Variants in MDN1 observed in about 807,000 individuals in gnomAD.
The protein encoded by MDN1 is midasin.
MDN1 carries 266 observed loss-of-function variants against 669.2 expected under a neutral mutation model. The observed-to-expected ratio is 0.40, with a 90% CI of 0.36 to 0.44. The LOEUF is 0.44. MDN1 is among the 20% of genes least tolerant of loss of function. The pLI is 1.00. For synonymous variants in MDN1, 2,385 were observed against 2,457.1 expected, an observed-to-expected ratio of 0.97 and a Z score of 0.87; for missense variants, 5,940 against 6,754.0, an observed-to-expected ratio of 0.88 and a Z score of 4.22.
intron 84 of MDN1, among the ~76,000 whole-genome samples, chr6:89,667,224 T>A (rs1321512246): frequency 6.6e-6 from 1 of 152,046 alleles, no homozygotes; most frequent in East Asian, 1.9e-4. Flanking sequence ...CTGATTTAGA[T>A]TTGAGAAATA....
rs1217713926 is a variant in MDN1, at chr6:89,712,381, A to G, written c.7431-125T>C. ...GTAAGAGAGAAAAGGAGAGTCTCCCACAGAGGAAGAAAGTTAAAACATACC... is the reference window on the plus strand; with the variant it reads ...GTAAGAGAGAAAAGGAGAGTCTCCCGCAGAGGAAGAAAGTTAAAACATACC... On this transcript the variant is annotated intron_variant, in intron 48 of 101. Transcript: ENST00000369393. The G allele has an allele frequency of 2.6e-4, 274 of 1,045,746 alleles. 1 individual carries two copies. The highest frequency in any genetic ancestry group is 4.7e-5 in the Non-Finnish European group (34 of 720,160). The allele number at this position is 1,045,746 out of a possible 1,614,324, so 64.8% of individuals were successfully genotyped here. A position where few individuals can be genotyped will look rare whatever the true frequency, so the allele number is the denominator to read the frequency against.
intron 61 of MDN1, among the ~76,000 whole-genome samples, chr6:89,694,707 CTT>C (rs78727881): frequency 7.0e-6 from 1 of 142,298 alleles, no homozygotes. Flanking sequence ...CCACACCCAG[CTT>C]TTTTTTTTTT....
Position 89,708,525 on chromosome 6 carries a change from G to T in MDN1, c.7869C>A (p.Leu2623=). Residue 2623 remains leucine, a synonymous_variant, in exon 51 of 102, where the codon CTC becomes CTA. Transcript: ENST00000369393. ...TTGCAGCTGATTCTAAAAGGGCAAA[G>T]AGCTGGTCAGGCTGGTCCGTTTGTG... is the stretch of plus-strand genomic sequence containing the variant. ...FDPQTDQPDQ[L]FALLESAANK... 2 of 1,614,096 alleles carry T rather than the reference G, an allele frequency of 1.2e-6. No homozygotes were observed. The highest frequency in any genetic ancestry group is 1.7e-5 in the Admixed American group (1 of 60,020).
At chr6:89,746,077 T>C (rs541203229) in intron 27 of MDN1, among the ~76,000 whole-genome samples, 3 of 152,164 alleles carry the variant, frequency 2.0e-5, no homozygotes, top group Admixed American at 6.6e-5. Flanking sequence ...AAGTACATAC[T>C]GCATGGTGTC....
chr6:89,749,712 A>G lies in MDN1; in HGVS notation c.3446T>C (p.Ile1149Thr), dbSNP rs1562177685. The change falls in exon 25 of 102, where the codon ATT becomes ACT. Residue 1149 changes from isoleucine to threonine, a missense_variant. Physicochemically the swap from Ile to Thr is moderately conservative, Grantham distance 89 (BLOSUM62 -1). Transcript: ENST00000369393. ...AGGGGCCAAATTTAATTCATCTAAAATAATCCAATAGCCTTTTCTCATGGC... is the reference window on the plus strand; with the variant it reads ...AGGGGCCAAATTTAATTCATCTAAAGTAATCCAATAGCCTTTTCTCATGGC... ...IDAMRKGYWI[I>T]LDELNLAPTD... 3 of 1,613,852 alleles carry G rather than the reference A, an allele frequency of 1.9e-6. No individual in the cohort carries two copies. The highest frequency in any genetic ancestry group is 2.5e-6 in the Non-Finnish European group (3 of 1,179,716).
chr6:89,697,426 T>C (rs1398181788), intron 59 of MDN1, among the ~76,000 whole-genome samples: 2 of 152,082 alleles, frequency 1.3e-5, no homozygotes, highest in African/African-American at 4.8e-5. Flanking sequence ...ACTGGCATAT[T>C]TGGAGGGAAA....
In MDN1 at chr6:89,687,978, G is replaced by T; in HGVS notation, c.11355+100C>A. 9.2e-6 allele frequency: 10 copies of T among 1,082,748 alleles called. No individual in the cohort carries two copies. In the South Asian group the frequency reaches 1.2e-4, roughly 13 times the overall value. The allele number at this position is 1,082,748 out of a possible 1,614,324, so 67.1% of individuals were successfully genotyped here. A position where few individuals can be genotyped will look rare whatever the true frequency, so the allele number is the denominator to read the frequency against. Reference sequence around the variant, plus strand: ...AACCAAGGATGTTTACCTTTTTCTAGCCCAAACTATAATTTTCTGTCTAAC... The same window carrying T: ...AACCAAGGATGTTTACCTTTTTCTATCCCAAACTATAATTTTCTGTCTAAC... On this transcript the variant is annotated intron_variant, in intron 67 of 101. Coordinates refer to ENST00000369393, the MANE Select transcript of MDN1 (RefSeq NM_014611.3).
chr6:89,786,390 A>G (rs562931646), intron 8 of MDN1, among the ~76,000 whole-genome samples: 1 of 152,252 alleles, frequency 6.6e-6, no homozygotes, highest in East Asian at 1.9e-4. Flanking sequence ...CAGGAGTTCA[A>G]GACCAACCTG....
intron 88 of MDN1, among the ~76,000 whole-genome samples, chr6:89,660,490 G>C (rs9342204): frequency 6.6e-6 from 1 of 150,950 alleles, no homozygotes; most frequent in Non-Finnish European, 1.5e-5. Flanking sequence ...AGCCTACTGG[G>C]TTTTTTTTTC....
Position 89,793,926 on chromosome 6 carries a change from A to G in MDN1, c.691T>C (p.Leu231=), listed in dbSNP as rs779234180. The change falls in exon 5 of 102, where the codon TTG becomes CTG. Residue 231 remains leucine, a synonymous_variant. Transcript: ENST00000369393. ...RLLEEAQLQD[L]EKALVLANPE... ...TTGGCCAAAACCAAGGCCTTCTCCA[A>G]GTCCTGCAACTGGGCCTCTTCTAAT... The G allele has an allele frequency of 5.0e-6, 8 of 1,613,794 alleles. No homozygotes were observed. Among genetic ancestry groups the G allele is most frequent in the East Asian group, 2.2e-5 (1 of 44,880 alleles).
At chr6:89,676,442 CTATCTTG>C (rs1014431379) in intron 76 of MDN1, among the ~76,000 whole-genome samples, 3 of 152,124 alleles carry the variant, frequency 2.0e-5, no homozygotes, top group African/African-American at 7.2e-5. Flanking sequence ...TGAAATCTTC[CTATCTTG>C]GCAGTGGAGG....
chr6:89,645,260 C>G, intron 100 of MDN1, 103 bp from the exon 101 acceptor site: 1 of 1,285,220 alleles, frequency 7.8e-7, no homozygotes, highest in Non-Finnish European at 1.1e-6. Flanking sequence ...TTTCTCTGTA[C>G]TATTAAAGCT....
intron 46 of MDN1, among the ~76,000 whole-genome samples, chr6:89,714,276 G>A (rs931712352): frequency 3.3e-5 from 5 of 152,090 alleles, no homozygotes; most frequent in African/African-American, 7.2e-5. Flanking sequence ...ACCTCAGTGC[G>A]TAAAGTGGAA....
In MDN1 at chr6:89,650,769, G is replaced by C. The variant is rs760511908; in HGVS notation, c.15994C>G (p.Arg5332Gly). ...PLSQRLCEEL[R>G]LILEPTQAAK... ...GCCTGGGTAGGCTCTAATATGAGAC[G>C]AAGCTCTTCACATAACCGTTGTGAA... The change falls in exon 96 of 102, where the codon CGT becomes GGT. Residue 5332 changes from arginine to glycine, a missense_variant. Physicochemically the swap from Arg to Gly is moderately radical, Grantham distance 125. This residue lies in a region of MDN1 where 2,280 missense variants were observed against 2,576.3 expected (regional missense o/e 0.88). Coordinates refer to ENST00000369393, the MANE Select transcript of MDN1 (RefSeq NM_014611.3). 1 of 1,614,084 alleles carries C rather than the reference G, an allele frequency of 6.2e-7. No homozygotes were observed. Among genetic ancestry groups the C allele is most frequent in the Admixed American group, 1.7e-5 (1 of 60,016 alleles).
intron 33 of MDN1, among the ~76,000 whole-genome samples, chr6:89,734,691 A>AAAACGAG (rs1554188774): frequency 8.8e-6 from 1 of 112,996 alleles, no homozygotes; most frequent in African/African-American, 3.5e-5. Context: ...AAAAAAAAAC[A>AAAACGAG]AGAGAGAGAG....
rs1362007921 is a variant in MDN1, at chr6:89,771,638, GCAAAAGTGTTACTC to G, written c.2084-31_2084-18del. On this transcript the variant is annotated intron_variant, in intron 14 of 101. Transcript: ENST00000369393. ...AACGGTGGCCTTTTATAAAGAAAGT[GCAAAAGTGTTACTC>G]CAAAAATTTAAAGACCGATAATATC... 7.5e-5 allele frequency: 120 copies of G among 1,609,206 alleles called. No homozygotes were observed. The highest frequency in any genetic ancestry group is 9.9e-5 in the Non-Finnish European group (117 of 1,176,268).
intron 73 of MDN1, among the ~76,000 whole-genome samples, chr6:89,681,375 C>T (rs140047030): frequency 1.0e-3 from 157 of 152,168 alleles, no homozygotes; most frequent in African/African-American, 3.6e-3. Context: ...GGTTTTACCA[C>T]GTTGGCCAGG....
chr6:89,747,387 G>A lies in MDN1; in HGVS notation c.3846C>T (p.Tyr1282=), dbSNP rs746683675. ...LRDLFRWAER[Y]RLAEPTEKEY... ...CCTTCTCGGTCGGCTCAGCCAATCTGTATCTTTCAGCCCATCGGAACAGAT... is the reference window on the plus strand; with the variant it reads ...CCTTCTCGGTCGGCTCAGCCAATCTATATCTTTCAGCCCATCGGAACAGAT... The change falls in exon 27 of 102, where the codon TAC becomes TAT. Residue 1282 remains tyrosine (Y), a synonymous_variant. Coordinates refer to ENST00000369393, the MANE Select transcript of MDN1 (RefSeq NM_014611.3). 4 of 1,614,130 alleles carry A rather than the reference G, an allele frequency of 2.5e-6. No individual in the cohort carries two copies. Among genetic ancestry groups the A allele is most frequent in the Non-Finnish European group, 3.4e-6 (4 of 1,180,032 alleles).
Position 89,700,165 on chromosome 6 carries a change from T to A in MDN1, c.8768A>T (p.His2923Leu). The stretch of plus-strand genomic sequence containing the variant: ...CCACAACTGAACACTCCTGGTGAGG[T>A]GGATTACGGAGGTCAAGTCTGGATG... Reference protein sequence around the residue: ...LSHPDLTSVIHLTRSVQLWPA... With the variant: ...LSHPDLTSVILLTRSVQLWPA... Residue 2923 changes from histidine (H) to leucine (L), a missense_variant, in exon 57 of 102, where the codon CAC becomes CTC. Around this residue, in one of 5 missense-constraint regions of MDN1, gnomAD observed 2,292 missense variants for 2,638.3 expected, o/e 0.87. Transcript: ENST00000369393. 6.2e-7 allele frequency: 1 copy of A among 1,614,110 alleles called. No individual in the cohort carries two copies. Among genetic ancestry groups the A allele is most frequent in the Non-Finnish European group, 8.5e-7 (1 of 1,180,010 alleles).
Sources: gnomAD v4.1 joint callset for allele counts (sites outside exome capture counted in the v4.1 genomes callset) on GRCh38, gnomAD v4.1.1 for gene constraint, gnomAD v4.1.1 regional missense constraint, MANE v1.5 for transcripts, NCBI Gene and HGNC (gene_info 2026-07-23, HGNC 2026-07-21) for gene names.